COL19A1: variants seen among roughly 807,000 people sequenced by gnomAD.
COL19A1 encodes collagen type XIX alpha 1 chain.
Under a neutral mutation model 190.2 loss-of-function variants are expected in COL19A1, and 159 were observed. The observed-to-expected ratio is 0.84, with a 90% confidence interval of 0.73 to 0.95. The LOEUF (loss-of-function observed/expected upper bound fraction) is 0.95. Ranked by LOEUF, COL19A1 falls within the 40% of genes least tolerant of loss-of-function variation. COL19A1 has a pLI of 0.00. For synonymous variants in COL19A1, 509 were observed against 458.9 expected (o/e 1.11, Z -1.39); for missense variants, 1,418 against 1,431.9 (o/e 0.99, Z 0.16).
intron 15 of COL19A1, among the ~76,000 whole-genome samples, chr6:70,098,836 A>C (rs1236132681): frequency 6.6e-6 from 1 of 152,038 alleles, no homozygotes; most frequent in Non-Finnish European, 1.5e-5. Context: ...GAAGGAGGGA[A>C]ACAAGACAAG....
intron 4 of COL19A1, among the ~76,000 whole-genome samples, chr6:69,921,468 AT>A (rs1473684439): frequency 1.4e-4 from 16 of 112,470 alleles, no homozygotes; most frequent in East Asian, 1.0e-3. Flanking sequence ...TATCATATAT[AT>A]TCATATATTC....
chr6:70,108,609 T>A (rs1784107395), intron 16 of COL19A1, among the ~76,000 whole-genome samples: 1 of 152,202 alleles, frequency 6.6e-6, no homozygotes, highest in Non-Finnish European at 1.5e-5. Context: ...GAAATTTAAA[T>A]ATAAGTGCTA....
chr6:70,184,651 T>C (rs1478837166), intron 44 of COL19A1, 52 bp from the exon 45 acceptor site: 8 of 1,422,434 alleles, frequency 5.6e-6, no homozygotes, highest in Non-Finnish European at 7.8e-6. Flanking sequence ...TTTTGTTGTG[T>C]TTAACTATGT....
chr6:70,043,032 C>T (rs1158127237), intron 14 of COL19A1, among the ~76,000 whole-genome samples: 1 of 152,122 alleles, frequency 6.6e-6, no homozygotes, highest in Non-Finnish European at 1.5e-5. Flanking sequence ...TTGGAATCAA[C>T]CTCTTCCAAA....
intron 4 of COL19A1, among the ~76,000 whole-genome samples, chr6:69,920,714 G>A (rs1771642384): frequency 6.6e-6 from 1 of 151,656 alleles, no homozygotes; most frequent in African/African-American, 2.4e-5. Flanking sequence ...TAATTAATGT[G>A]TAGAAAAGTA....
chr6:70,129,167 T>G (rs1461259895), intron 17 of COL19A1, among the ~76,000 whole-genome samples: 1 of 152,194 alleles, frequency 6.6e-6, no homozygotes, highest in Non-Finnish European at 1.5e-5. Flanking sequence ...TCTTGGTCAG[T>G]GGACGCAAAA....
At position 70,009,411 on chromosome 6, in the gene COL19A1, C is replaced by G. The variant is rs56264752; in HGVS notation, c.1027-14216C>G. 8.8e-3 allele frequency among the ~76,000 whole-genome samples: 1,333 copies of G among 152,030 alleles called. 19 individuals carry two copies. The highest frequency in any genetic ancestry group is 0.03 in the African/African-American group (1,241 of 41,512). Reference sequence around the variant, plus strand: ...AAAACAATTTTATTTATGGTGATGACCTGTACACAGATGACTAAAAAACAT... The same window carrying G: ...AAAACAATTTTATTTATGGTGATGAGCTGTACACAGATGACTAAAAAACAT... On this transcript the variant is annotated intron_variant, in intron 11 of 50. Transcript: ENST00000620364.
intron 7 of COL19A1, among the ~76,000 whole-genome samples, chr6:69,935,651 G>A (rs953794952): frequency 1.3e-5 from 2 of 151,910 alleles, no homozygotes; most frequent in African/African-American, 4.8e-5. Context: ...ATTTCTGGGT[G>A]TTGGTTTTGT....
In COL19A1 at chr6:70,035,900, TTAGG is replaced by T; in HGVS notation, c.1135-3_1135del. 1 of 1,613,102 alleles carries T rather than the reference TTAGG, an allele frequency of 6.2e-7. No individual in the cohort carries two copies. Among genetic ancestry groups the T allele is most frequent in the Non-Finnish European group, 8.5e-7 (1 of 1,179,166 alleles). ...AATTGTAGCTTTTCTTTAATCTATT[TTAGG>T]GAGATACAGGACCCCCAGGACCACC... On this transcript the variant is annotated splice_acceptor_variant and splice_polypyrimidine_tract_variant and coding_sequence_variant and intron_variant, in exon 14 of 51. Transcript: ENST00000620364. LOFTEE classifies it high-confidence loss of function.
intron 31 of COL19A1, among the ~76,000 whole-genome samples, chr6:70,154,062 C>T (rs1030590254): frequency 6.6e-6 from 1 of 151,890 alleles, no homozygotes; most frequent in African/African-American, 2.4e-5. Context: ...CACCCATCAA[C>T]CCGTCATCTA....
chr6:69,954,987 T>G (rs927619416), intron 9 of COL19A1, among the ~76,000 whole-genome samples: 8 of 152,158 alleles, frequency 5.3e-5, no homozygotes, highest in African/African-American at 1.9e-4. Flanking sequence ...TCTCTTTATA[T>G]CTTAAATCAT....
chr6:70,148,095 G>A (rs2150242825), intron 27 of COL19A1, among the ~76,000 whole-genome samples: 1 of 152,164 alleles, frequency 6.6e-6, no homozygotes, highest in South Asian at 2.1e-4. Context: ...TCGCCAGCCT[G>A]GAAGCTCTCT....
At chr6:70,006,513 C>T (rs1035946402) in intron 11 of COL19A1, among the ~76,000 whole-genome samples, 3 of 152,110 alleles carry the variant, frequency 2.0e-5, no homozygotes, top group Admixed American at 6.5e-5. Flanking sequence ...CCTTGGTTGC[C>T]GGTGAAGGAT....
At chr6:69,937,849 C>T (rs1451935111) in intron 8 of COL19A1, among the ~76,000 whole-genome samples, 189 bp from the exon 9 acceptor site, 1 of 152,128 alleles carries the variant, frequency 6.6e-6, no homozygotes. Context: ...GAGTGAGGAA[C>T]AGTGAATGGA....
intron 27 of COL19A1, among the ~76,000 whole-genome samples, chr6:70,148,852 G>T (rs1005090578): frequency 6.6e-6 from 1 of 151,802 alleles, no homozygotes; most frequent in Non-Finnish European, 1.5e-5. Context: ...GCTTGAACCC[G>T]GGAGGCGGAG....
At chr6:70,134,127 T>C (rs1785689372) in intron 18 of COL19A1, among the ~76,000 whole-genome samples, 1 of 152,220 alleles carries the variant, frequency 6.6e-6, no homozygotes, top group Non-Finnish European at 1.5e-5. Flanking sequence ...ACCTATACAA[T>C]GGAAACTGTA....
chr6:70,069,692 T>C (rs545274063), intron 15 of COL19A1, among the ~76,000 whole-genome samples: 1 of 152,248 alleles, frequency 6.6e-6, no homozygotes, highest in South Asian at 2.1e-4. Context: ...TGTGGTCAAT[T>C]AAATGCTCCT....
At chr6:70,175,285 T>C (rs1765736190) in intron 41 of COL19A1, among the ~76,000 whole-genome samples, 2 of 152,178 alleles carry the variant, frequency 1.3e-5, no homozygotes, top group African/African-American at 4.8e-5. Flanking sequence ...ATTGTAAATA[T>C]AACCTTAATG....
intron 16 of COL19A1, among the ~76,000 whole-genome samples, chr6:70,108,524 G>A (rs1025602712): frequency 1.3e-5 from 2 of 152,066 alleles, no homozygotes; most frequent in African/African-American, 4.8e-5. Context: ...GAAATTTTTC[G>A]ATGTTTGAAG....
Sources: allele counts gnomAD v4.1 joint callset (sites outside exome capture counted in the v4.1 genomes callset), GRCh38; gene constraint gnomAD v4.1.1; transcripts MANE v1.5; gene names NCBI Gene and HGNC (gene_info 2026-07-23, HGNC 2026-07-21).